Variants in PTPRT observed in about 807,000 individuals in gnomAD.
PTPRT encodes receptor-type tyrosine-protein phosphatase T.
PTPRT carries 56 observed loss-of-function variants against 176.8 expected under a neutral mutation model. That is an observed-to-expected ratio of 0.32 (90% CI 0.26 to 0.40). The LOEUF is 0.40. PTPRT is among the 10% of genes least tolerant of loss of function. The probability of loss-of-function intolerance (pLI) is 1.00; values close to 1 mark genes in which losing one functional copy is unlikely to be tolerated. For missense variants in PTPRT, 1,540 were observed against 1,908.2 expected, an observed-to-expected ratio of 0.81 and a Z score of 3.60; for synonymous variants, 783 against 739.0, an observed-to-expected ratio of 1.06 and a Z score of -0.96.
intron 1 of PTPRT, among the ~76,000 whole-genome samples, chr20:43,166,493 A>C (rs979570100): frequency 6.6e-6 from 1 of 152,064 alleles, no homozygotes; most frequent in Non-Finnish European, 1.5e-5. Flanking sequence ...CTTAGGTTAC[A>C]TTTTCAGGAT....
chr20:42,407,849 G>A (rs1368137619), intron 9 of PTPRT, among the ~76,000 whole-genome samples: 1 of 151,854 alleles, frequency 6.6e-6, no homozygotes, highest in Non-Finnish European at 1.5e-5. Context: ...AAAAAATCAA[G>A]AGCAATAATA....
At chr20:42,269,392 GT>G in intron 13 of PTPRT, among the ~76,000 whole-genome samples, 1 of 152,204 alleles carries the variant, frequency 6.6e-6, no homozygotes, top group Non-Finnish European at 1.5e-5. Flanking sequence ...TCAGGGATTA[GT>G]AGACCGGAGG....
Position 42,472,461 on chromosome 20 carries a change from T to A in PTPRT, c.1255A>T (p.Ser419Cys), listed in dbSNP as rs1225101349. The change falls in exon 8 of 31, where the codon AGC (serine) becomes TGC (cysteine). Residue 419 changes from serine to cysteine, a missense_variant. By Grantham distance (112) the Ser-to-Cys change is moderately radical. Around this residue, in one of 11 missense-constraint regions of PTPRT, gnomAD observed 79 missense variants for 80.0 expected, o/e 0.99. Coordinates refer to ENST00000373187, the MANE Select transcript of PTPRT (RefSeq NM_007050.6). ...TGGTACTGCACGGTGAGGTTGTAGC[T>A]ATGGCAGCGGGTCACCGCGTAGCCG... Reference protein sequence around the residue: ...PFGYAVTRCHSYNLTVQYQYV... With the variant: ...PFGYAVTRCHCYNLTVQYQYV... The A allele has an allele frequency of 6.2e-7, 1 of 1,614,256 alleles. No individual in the cohort carries two copies. Among genetic ancestry groups the A allele is most frequent in the Non-Finnish European group, 8.5e-7 (1 of 1,180,048 alleles).
intron 18 of PTPRT, among the ~76,000 whole-genome samples, chr20:42,133,647 G>T (rs11908245): frequency 0.02 from 3,105 of 152,188 alleles, 109 homozygotes; most frequent in African/African-American, 0.07. Context: ...AAATCCTATA[G>T]AACTGTACAA....
At chr20:42,475,652 G>A (rs2071276121) in intron 7 of PTPRT, among the ~76,000 whole-genome samples, 1 of 152,178 alleles carries the variant, frequency 6.6e-6, no homozygotes, top group African/African-American at 2.4e-5. Context: ...AAAATGACTT[G>A]GGTCTCAGGA....
At chr20:42,883,708 C>CCCCCCACACA (rs1568658140) in intron 2 of PTPRT, among the ~76,000 whole-genome samples, 44 of 128,738 alleles carry the variant, frequency 3.4e-4, no homozygotes, top group African/African-American at 1.2e-3. Flanking sequence ...CCATACACCC[C>CCCCCCACACA]CATACACACA....
intron 9 of PTPRT, among the ~76,000 whole-genome samples, chr20:42,409,825 G>A (rs1023027611): frequency 6.6e-6 from 1 of 152,178 alleles, no homozygotes; most frequent in African/African-American, 2.4e-5. Flanking sequence ...AATGTCTATA[G>A]CTGCTGTCAT....
At chr20:42,490,110 A>G (rs1480565849) in intron 7 of PTPRT, among the ~76,000 whole-genome samples, 1 of 152,188 alleles carries the variant, frequency 6.6e-6, no homozygotes, top group Non-Finnish European at 1.5e-5. Flanking sequence ...ACTGCCTATT[A>G]CAGCATGCAT....
intron 1 of PTPRT, among the ~76,000 whole-genome samples, chr20:42,918,548 C>T (rs1978932080): frequency 2.0e-5 from 3 of 152,156 alleles, no homozygotes; most frequent in Admixed American, 2.0e-4. Context: ...GTTCATCGAT[C>T]AAGCCACCTG....
At chr20:42,066,758 T>C in the PTPRT span, among the ~76,000 whole-genome samples, 1 of 152,162 alleles carries the variant, frequency 6.6e-6, no homozygotes, top group Non-Finnish European at 1.5e-5. Context: ...GCCATGATTG[T>C]TGATGATATC....
At chr20:42,681,504 A>G (rs1006965957) in intron 6 of PTPRT, among the ~76,000 whole-genome samples, 1 of 152,192 alleles carries the variant, frequency 6.6e-6, no homozygotes, top group Non-Finnish European at 1.5e-5. Flanking sequence ...GTCTATGAAC[A>G]AAGAAAAATT....
intron 1 of PTPRT, among the ~76,000 whole-genome samples, chr20:43,151,319 A>C (rs1444775189): frequency 4.4e-4 from 2 of 4,510 alleles, no homozygotes; most frequent in African/African-American, 2.8e-4. Flanking sequence ...GTCTCAAACA[A>C]AAAAAAAAAA....
chr20:42,680,297 T>C (rs1239018282), intron 6 of PTPRT, among the ~76,000 whole-genome samples: 1 of 152,196 alleles, frequency 6.6e-6, no homozygotes, highest in Non-Finnish European at 1.5e-5. Context: ...TAGCCTGCCA[T>C]TTGGTCAGAG....
At chr20:42,952,107 A>G (rs12479693) in intron 1 of PTPRT, among the ~76,000 whole-genome samples, 66,161 of 152,092 alleles carry the variant, frequency 0.44, 16,605 homozygotes, top group Non-Finnish European at 0.56. Context: ...GGGCAGGATC[A>G]TGTGGCCACG....
chr20:42,828,967 T>C (rs2145684096), intron 2 of PTPRT, among the ~76,000 whole-genome samples: 1 of 152,080 alleles, frequency 6.6e-6, no homozygotes, highest in South Asian at 2.1e-4. Flanking sequence ...AGGGCCACAG[T>C]CCTCCAGACC....
intron 1 of PTPRT, among the ~76,000 whole-genome samples, chr20:43,162,905 C>A (rs2014737040): frequency 6.6e-6 from 1 of 152,246 alleles, no homozygotes; most frequent in Non-Finnish European, 1.5e-5. Flanking sequence ...GCGTCTTACA[C>A]CTACCATCTC....
At chr20:42,881,290 C>T (rs898162628) in intron 2 of PTPRT, among the ~76,000 whole-genome samples, 1 of 152,176 alleles carries the variant, frequency 6.6e-6, no homozygotes, top group Non-Finnish European at 1.5e-5. Flanking sequence ...TTGGAATACA[C>T]TGACTTGCAA....
At chr20:42,173,321 A>C (rs776243800) in intron 16 of PTPRT, among the ~76,000 whole-genome samples, 2 of 152,108 alleles carry the variant, frequency 1.3e-5, no homozygotes, top group Non-Finnish European at 2.9e-5. Flanking sequence ...GGTTTTGTGC[A>C]TGTCATGTGT....
At chr20:42,982,782 C>CCTGAGGTGAG (rs1983354182) in intron 1 of PTPRT, among the ~76,000 whole-genome samples, 1 of 152,206 alleles carries the variant, frequency 6.6e-6, no homozygotes, top group African/African-American at 2.4e-5. Flanking sequence ...TCCTGAGGTT[C>CCTGAGGTGAG]AGCTCCAGGG....
Sources: allele counts gnomAD v4.1 joint callset (sites outside exome capture counted in the v4.1 genomes callset), GRCh38; gene constraint gnomAD v4.1.1; regional missense constraint gnomAD v4.1.1; transcripts MANE v1.5; gene names NCBI Gene and HGNC (gene_info 2026-07-23, HGNC 2026-07-21).